Variants in ITGB5 observed in about 807,000 individuals in gnomAD.
ITGB5 encodes integrin subunit beta 5.
ITGB5 carries 38 observed loss-of-function variants against 84.8 expected under a neutral mutation model. That is an observed-to-expected ratio of 0.45 (90% CI 0.35 to 0.59). The LOEUF (loss-of-function observed/expected upper bound fraction) is 0.59, where lower values mean the gene tolerates loss of function less well. ITGB5 is among the 20% of genes least tolerant of loss of function. ITGB5 has a pLI of 0.01. For synonymous variants in ITGB5, 393 were observed against 414.4 expected, an observed-to-expected ratio of 0.95 and a Z score of 0.63; for missense variants, 905 against 1,034.5, an observed-to-expected ratio of 0.87 and a Z score of 1.72.
At position 124,762,153 on chromosome 3, in the gene ITGB5, G is replaced by A. The variant is rs553570947; in HGVS notation, c.*1470C>T. ...ATTTGCCCCAGGTAATAGGTTCTATGTAGTGACAGGCATTTCACTATTTGA... is the reference window on the plus strand; with the variant it reads ...ATTTGCCCCAGGTAATAGGTTCTATATAGTGACAGGCATTTCACTATTTGA... On this transcript the variant is annotated 3_prime_UTR_variant, in exon 15 of 15. Transcript: ENST00000296181. 1.3e-5 allele frequency: 2 copies of A among 152,240 alleles called. No individual in the cohort carries two copies. The highest frequency in any genetic ancestry group is 2.9e-5 in the Non-Finnish European group (2 of 68,046). 9.4% of individuals were successfully genotyped at this position (152,240 alleles called of 1,614,324 possible). A position where few individuals can be genotyped will look rare whatever the true frequency, so the allele number is the denominator to read the frequency against.
At chr3:124,873,633 TC>T (rs1934163614) in intron 1 of ITGB5, 102 bp from the exon 2 acceptor site, 2 of 878,664 alleles carry the variant, frequency 2.3e-6, no homozygotes, top group East Asian at 4.8e-5. Flanking sequence ...ACAGGAGGCC[TC>T]TCTGAGTCTA....
In ITGB5 at chr3:124,764,495, C is replaced by T. The variant is rs1559918225; in HGVS notation, c.2200G>A (p.Val734Ile). The part of the protein sequence containing the change: ...LLAVVGSILL[V>I]GLALLAIWKL... ...CAGATAGCCAGGAGTGCAAGCCCAACAAGGAGGATGCTACCGACCACAGCC... is the reference window on the plus strand; with the variant it reads ...CAGATAGCCAGGAGTGCAAGCCCAATAAGGAGGATGCTACCGACCACAGCC... Residue 734 changes from valine (V) to isoleucine (I), a missense_variant, in exon 14 of 15, where the codon GTT becomes ATT. Physicochemically the swap from Val to Ile is conservative, Grantham distance 29. Around this residue, in one of 3 missense-constraint regions of ITGB5, gnomAD observed 133 missense variants for 122.8 expected, o/e 1.08. Transcript: ENST00000296181. The T allele has an allele frequency of 6.2e-7, 1 of 1,613,852 alleles. No individual in the cohort carries two copies. The highest frequency in any genetic ancestry group is 8.5e-7 in the Non-Finnish European group (1 of 1,179,984).
intron 2 of ITGB5, among the ~76,000 whole-genome samples, chr3:124,867,568 G>C (rs2065411667): frequency 6.6e-6 from 1 of 152,210 alleles, no homozygotes; most frequent in Non-Finnish European, 1.5e-5. Context: ...ACGAGCATAA[G>C]CTGCCAGTAC....
intron 4 of ITGB5, among the ~76,000 whole-genome samples, chr3:124,843,701 A>G (rs1351486976): frequency 6.6e-6 from 1 of 152,118 alleles, no homozygotes; most frequent in African/African-American, 2.4e-5. Context: ...GAGTTATCTG[A>G]CTTAACCCCA....
intron 4 of ITGB5, among the ~76,000 whole-genome samples, chr3:124,846,228 G>A (rs1228918002): frequency 6.6e-6 from 1 of 152,110 alleles, no homozygotes; most frequent in Non-Finnish European, 1.5e-5. Flanking sequence ...TTGGAGCTAG[G>A]AGCTCTGAAG....
intron 9 of ITGB5, among the ~76,000 whole-genome samples, chr3:124,802,523 C>T (rs1329348340): frequency 6.6e-6 from 1 of 152,240 alleles, no homozygotes; most frequent in African/African-American, 2.4e-5. Flanking sequence ...AGCCCCTCAA[C>T]TCCCCGTGCC....
intron 1 of ITGB5, among the ~76,000 whole-genome samples, chr3:124,894,134 C>CTTTTTTTTTTTTTTTTTTTTTTTT (rs748784158): frequency 9.6e-6 from 1 of 104,354 alleles, no homozygotes; most frequent in Non-Finnish European, 1.8e-5. Flanking sequence ...TGATATTTTT[C>CTTTTTTTTTTTTTTTTTTTTTTTT]TTTTTTTTTT....
chr3:124,795,514 G>A (rs2107514177), intron 10 of ITGB5, among the ~76,000 whole-genome samples: 1 of 151,956 alleles, frequency 6.6e-6, no homozygotes, highest in East Asian at 1.9e-4. Flanking sequence ...AGGAATTCTG[G>A]CAGGAAAAAT....
intron 6 of ITGB5, among the ~76,000 whole-genome samples, chr3:124,820,067 CCT>C (rs1188453387): frequency 1.3e-5 from 2 of 152,198 alleles, no homozygotes; most frequent in Non-Finnish European, 2.9e-5. Context: ...TAGATTCACT[CCT>C]CTCACCCCAG....
chr3:124,773,755 C>G lies in ITGB5; in HGVS notation c.1851G>C (p.Glu617Asp). 1 of 1,613,124 alleles carries G rather than the reference C, an allele frequency of 6.2e-7. No homozygotes were observed. The highest frequency in any genetic ancestry group is 8.5e-7 in the Non-Finnish European group (1 of 1,180,050). ...CACACATCTCCCCAAAGGCCCCCGGCTCCGTGCATTGGCACTGCCCACAGA... is the reference window on the plus strand; with the variant it reads ...CACACATCTCCCCAAAGGCCCCCGGGTCCGTGCATTGGCACTGCCCACAGA... ...HCLCGQCQCT[E>D]PGAFGEMCEK... is the part of the protein sequence containing the mutation. Residue 617 changes from glutamate to aspartate, a missense_variant, in exon 11 of 15, where the codon GAG becomes GAC. Around this residue, in one of 3 missense-constraint regions of ITGB5, gnomAD observed 116 missense variants for 177.0 expected, o/e 0.66. Coordinates refer to ENST00000296181, the MANE Select transcript of ITGB5 (RefSeq NM_002213.5).
intron 1 of ITGB5, among the ~76,000 whole-genome samples, chr3:124,875,518 A>T (rs991920213): frequency 2.0e-5 from 3 of 151,774 alleles, no homozygotes; most frequent in African/African-American, 7.3e-5. Flanking sequence ...TGCTAGCAAG[A>T]ATGTGGATAA....
intron 10 of ITGB5, among the ~76,000 whole-genome samples, chr3:124,789,365 T>TG (rs2064124601): frequency 6.6e-6 from 1 of 152,166 alleles, no homozygotes; most frequent in African/African-American, 2.4e-5. Context: ...GAACTGCCTT[T>TG]AACTAGACAG....
intron 9 of ITGB5, among the ~76,000 whole-genome samples, chr3:124,798,747 A>G (rs2064271916): frequency 6.6e-6 from 1 of 152,232 alleles, no homozygotes; most frequent in Admixed American, 6.5e-5. Flanking sequence ...TTTTTTGAGA[A>G]CATTATAAAT....
intron 5 of ITGB5, among the ~76,000 whole-genome samples, chr3:124,831,482 G>T (rs1388916303): frequency 6.6e-6 from 1 of 152,174 alleles, no homozygotes; most frequent in Non-Finnish European, 1.5e-5. Flanking sequence ...ATTCAAGGAC[G>T]CCCCGTGGGA....
intron 9 of ITGB5, among the ~76,000 whole-genome samples, chr3:124,797,769 AT>A: frequency 6.6e-6 from 1 of 152,140 alleles, no homozygotes; most frequent in East Asian, 1.9e-4. Flanking sequence ...TGAATCACCC[AT>A]CAGGGCCCTG....
chr3:124,806,736 C>T (rs1424054394), intron 9 of ITGB5, among the ~76,000 whole-genome samples: 2 of 151,882 alleles, frequency 1.3e-5, no homozygotes, highest in African/African-American at 4.8e-5. Flanking sequence ...TGCGCCTGGC[C>T]TCATTCCATT....
rs771793586 is a variant in ITGB5 at position 124,821,390 on chromosome 3, A to G, written c.865T>C (p.Leu289=). ...TCGTGTGGCTGCACCAGGCCTCCCA[A>G]TTTTCCATCCAATGCGATGTGGGGC... ...DVPHIALDGK[L]GGLVQPHDGQ... is the part of the protein sequence containing the mutation. The change falls in exon 6 of 15, where the codon TTG becomes CTG. Residue 289 remains leucine, a synonymous_variant. Transcript: ENST00000296181. 1 of 1,614,142 alleles carries G rather than the reference A, an allele frequency of 6.2e-7. No homozygotes were observed. The highest frequency in any genetic ancestry group is 1.1e-5 in the South Asian group (1 of 91,082).
chr3:124,862,556 C>G (rs1436824445), intron 2 of ITGB5: 1 of 152,268 alleles, frequency 6.6e-6, no homozygotes, highest in Non-Finnish European at 1.5e-5. Context: ...CTGGGACCAT[C>G]AGGAGACTTA....
rs2291088 is a variant in ITGB5 at position 124,796,662 on chromosome 3, G to A, written c.1419C>T (p.Ser473=). 272,292 of 1,613,754 alleles carry A rather than the reference G, an allele frequency of 0.17. 24,068 individuals are homozygous for A. The highest frequency in any genetic ancestry group is 0.29 in the Admixed American group (17,353 of 59,948). ...CGCSVGLEPN[S]ARCNGSGTYV... is the part of the protein sequence containing the mutation. Reference sequence around the variant, plus strand: ...AGGTCCCGCTCCCGTTGCACCTGGCGCTGTTGGGTTCCAGCCCCACGCTGC... The same window carrying A: ...AGGTCCCGCTCCCGTTGCACCTGGCACTGTTGGGTTCCAGCCCCACGCTGC... Residue 473 remains serine (S), a synonymous_variant, in exon 10 of 15, where the codon AGC becomes AGT. Transcript: ENST00000296181.
Sources: allele counts gnomAD v4.1 joint callset (sites outside exome capture counted in the v4.1 genomes callset), GRCh38; gene constraint gnomAD v4.1.1; regional missense constraint gnomAD v4.1.1; transcripts MANE v1.5; gene names NCBI Gene and HGNC (gene_info 2026-07-23, HGNC 2026-07-21).